Variants in MUL1 observed in about 807,000 individuals in gnomAD.
MUL1 encodes the protein mitochondrial ubiquitin ligase activator of NFKB 1.
In MUL1, 30 loss-of-function variants were observed where a neutral mutation model predicts 34.1. The observed-to-expected ratio is 0.88, with a 90% CI of 0.66 to 1.19. MUL1 has a LOEUF of 1.19. MUL1 is among the 50% of genes most tolerant of loss of function. The pLI, the probability that MUL1 is intolerant of heterozygous loss-of-function variation, is 0.00. For synonymous variants in MUL1, 191 were observed against 187.8 expected (o/e 1.02, Z -0.14); for missense variants, 419 against 450.5 (o/e 0.93, Z 0.63).
intron 1 of MUL1, 66 bp from the exon 2 acceptor site, chr1:20,503,375 G>A (rs906833356): frequency 7.4e-6 from 7 of 940,466 alleles, no homozygotes; most frequent in African/African-American, 6.8e-5. Context: ...CAAACTTACA[G>A]GCAAAAAAAA....
chr1:20,502,483 A>G (rs2051672006), intron 2 of MUL1, among the ~76,000 whole-genome samples: 1 of 152,120 alleles, frequency 6.6e-6, no homozygotes, highest in Admixed American at 6.5e-5. Flanking sequence ...CAGGAGTTTG[A>G]GGCTGCAGTG....
In MUL1 at chr1:20,508,082, G is replaced by C; in HGVS notation, c.-58C>G. The stretch of plus-strand genomic sequence containing the variant: ...GCCAAGGATAGGCCTGGTGACCCCC[G>C]ACTCTCCACCTCCTTCCGACCAGGA... On this transcript the variant is annotated 5_prime_UTR_variant, in exon 1 of 4. Transcript: ENST00000264198. 1 of 1,550,814 alleles carries C rather than the reference G, an allele frequency of 6.4e-7. No individual in the cohort carries two copies. The highest frequency in any genetic ancestry group is 8.7e-7 in the Non-Finnish European group (1 of 1,148,380).
intron 1 of MUL1, among the ~76,000 whole-genome samples, chr1:20,505,661 C>A: frequency 7.2e-5 from 10 of 138,422 alleles, no homozygotes; most frequent in African/African-American, 1.6e-4. Context: ...GGAAGGAAGG[C>A]CAAAGAGAAA....
At chr1:20,507,271 G>C (rs1401322842) in intron 1 of MUL1, among the ~76,000 whole-genome samples, 1 of 152,166 alleles carries the variant, frequency 6.6e-6, no homozygotes, top group African/African-American at 2.4e-5. Context: ...GTAAAGCACA[G>C]TTCAGAAAAA....
Position 20,499,523 on chromosome 1 carries a change from C to T in MUL1, c.*1167G>A, listed in dbSNP as rs1161805723. 6.6e-6 allele frequency: 1 copy of T among 152,254 alleles called. No homozygotes were observed. The highest frequency in any genetic ancestry group is 1.5e-5 in the Non-Finnish European group (1 of 68,070). The allele number at this position is 152,254 out of a possible 1,614,324, so 9.4% of individuals were successfully genotyped here. On this transcript the variant is annotated 3_prime_UTR_variant, in exon 4 of 4. Coordinates refer to ENST00000264198, the MANE Select transcript of MUL1 (RefSeq NM_024544.3). ...ACTAGTGTCGGCCCCTGAGGGCACC[C>T]CTTCCTCGCCTGCACAAAGGAGGAC...
At chr1:20,504,790 A>C (rs143138445) in intron 1 of MUL1, among the ~76,000 whole-genome samples, 65 of 152,370 alleles carry the variant, frequency 4.3e-4, no homozygotes, top group African/African-American at 1.5e-3. Context: ...ATGAATAAGT[A>C]AGCATTTAAA....
rs574991924 is a variant in MUL1 at position 20,506,836 on chromosome 1, C to T, written c.120+1069G>A. 2.4e-3 allele frequency among the ~76,000 whole-genome samples: 340 copies of T among 141,036 alleles called. 2 individuals carry two copies. The highest frequency in any genetic ancestry group is 8.5e-3 in the African/African-American group (315 of 37,030). The allele number at this position is 141,036 out of a possible 152,430, so 92.5% of individuals were successfully genotyped here. On this transcript the variant is annotated intron_variant, in intron 1 of 3. Transcript: ENST00000264198. ...TTGCACTCCAGCCTGGGCAACAGAGCGAGACTCCGTCTCAAAAAAAAAAAG... is the reference window on the plus strand; with the variant it reads ...TTGCACTCCAGCCTGGGCAACAGAGTGAGACTCCGTCTCAAAAAAAAAAAG...
In MUL1 at chr1:20,501,374, G is replaced by A; in HGVS notation, c.375C>T (p.Pro125=). The change falls in exon 4 of 4, where the codon CCC becomes CCT. Residue 125 remains proline, a synonymous_variant. Transcript: ENST00000264198. This position sits in a 1 kb window ranked among gnomAD's most constrained non-coding sequence, Gnocchi z 4.2. ...KIIHQRTNTV[P]FDLVPHEDGV... ...CATCCTCGTGGGGCACCAGGTCAAAGGGCACTGTGTTGGTCCTCTGATGAA... is the reference window on the plus strand; with the variant it reads ...CATCCTCGTGGGGCACCAGGTCAAAAGGCACTGTGTTGGTCCTCTGATGAA... 1 of 1,614,094 alleles carries A rather than the reference G, an allele frequency of 6.2e-7. No individual in the cohort carries two copies. The highest frequency in any genetic ancestry group is 8.5e-7 in the Non-Finnish European group (1 of 1,180,028).
chr1:20,505,317 G>C (rs113476027), intron 1 of MUL1, among the ~76,000 whole-genome samples: 1 of 152,076 alleles, frequency 6.6e-6, no homozygotes, highest in African/African-American at 2.4e-5. Flanking sequence ...AGGCATGGTA[G>C]CTCACACCTG....
rs2051654880 is a variant in MUL1, at chr1:20,501,127, C to G, written c.622G>C (p.Val208Leu). 1 of 1,614,008 alleles carries G rather than the reference C, an allele frequency of 6.2e-7. No individual in the cohort carries two copies. ...CCTTGTTTGGGCGGCTGCAGGCGGA[C>G]AGAGTTGTTGTCCAGGACCAGTTCG... ...VGELVLDNNS[V>L]RLQPPKQGMQ... is the part of the protein sequence containing the mutation. The change falls in exon 4 of 4, where the codon GTC becomes CTC. Residue 208 changes from valine (V) to leucine (L), a missense_variant. By Grantham distance (32) the Val-to-Leu change is conservative. Coordinates refer to ENST00000264198, the MANE Select transcript of MUL1 (RefSeq NM_024544.3). This position sits in a 1 kb window ranked among gnomAD's most constrained non-coding sequence, Gnocchi z 4.2.
At position 20,501,524 on chromosome 1, in the gene MUL1, TGGAAGAA is replaced by T; in HGVS notation, c.330-112_330-106del. 27 of 1,311,130 alleles carry T rather than the reference TGGAAGAA, an allele frequency of 2.1e-5. No homozygotes were observed. The highest frequency in any genetic ancestry group is 2.8e-5 in the Non-Finnish European group (27 of 961,256). 81.2% of individuals were successfully genotyped at this position (1,311,130 alleles called of 1,614,324 possible). On this transcript the variant is annotated intron_variant, in intron 3 of 3. Transcript: ENST00000264198. This position sits in a 1 kb window ranked among gnomAD's most constrained non-coding sequence, Gnocchi z 4.2. ...AGGACAGCATATGGTCTGAAGTAACTGGAAGAAGACAGTAAGATCACTATCTCCAGTT... is the reference window on the plus strand; with the variant it reads ...AGGACAGCATATGGTCTGAAGTAACTGACAGTAAGATCACTATCTCCAGTT...
chr1:20,507,576 G>C (rs994413374), intron 1 of MUL1, among the ~76,000 whole-genome samples: 1 of 152,206 alleles, frequency 6.6e-6, no homozygotes, highest in Non-Finnish European at 1.5e-5. Context: ...TACTAAAATG[G>C]TATCTCCACG....
chr1:20,505,258 C>G (rs1432080837), intron 1 of MUL1, among the ~76,000 whole-genome samples: 1 of 152,104 alleles, frequency 6.6e-6, no homozygotes, highest in African/African-American at 2.4e-5. Flanking sequence ...AGGACACAAG[C>G]CCCTCTCTGG....
In MUL1 at chr1:20,502,116, C is replaced by G. The variant is rs1273109341; in HGVS notation, c.282G>C (p.Leu94=). ...ACACCATCTTGTGCTCCTGAAGTGT[C>G]AGCCGCTGAATTACCCCCTTGCAGT... ...VENCKGVIQR[L]TLQEHKMVWN... The change falls in exon 3 of 4, where the codon CTG becomes CTC. Residue 94 remains leucine, a synonymous_variant. Coordinates refer to ENST00000264198, the MANE Select transcript of MUL1 (RefSeq NM_024544.3). 1 of 1,614,140 alleles carries G rather than the reference C, an allele frequency of 6.2e-7. No homozygotes were observed. Among genetic ancestry groups the G allele is most frequent in the Non-Finnish European group, 8.5e-7 (1 of 1,180,042 alleles).
Position 20,508,049 on chromosome 1 carries a change from AC to A in MUL1, c.-26del, listed in dbSNP as rs1426773788. On this transcript the variant is annotated 5_prime_UTR_variant, in exon 1 of 4. Transcript: ENST00000264198. ...TGACGGCGGCGAGCCCCGGTGGCCGACTGTGGCGCCAAGGATAGGCCTGGTG... is the reference window on the plus strand; with the variant it reads ...TGACGGCGGCGAGCCCCGGTGGCCGATGTGGCGCCAAGGATAGGCCTGGTG... The A allele has an allele frequency of 6.4e-7, 1 of 1,573,652 alleles. No homozygotes were observed. Among genetic ancestry groups the A allele is most frequent in the African/African-American group, 1.3e-5 (1 of 74,564 alleles).
At position 20,503,315 on chromosome 1, in the gene MUL1, T is replaced by TAA; in HGVS notation, c.121-8_121-7dup. ...AAATGAACTTTTTTAGCTCCCTAAATAAAAAAAAAAAATTAAATTAATTGG... is the reference window on the plus strand; with the variant it reads ...AAATGAACTTTTTTAGCTCCCTAAATAAAAAAAAAAAAAATTAAATTAATTGG... On this transcript the variant is annotated splice_region_variant and splice_polypyrimidine_tract_variant and intron_variant, in intron 1 of 3. Coordinates refer to ENST00000264198, the MANE Select transcript of MUL1 (RefSeq NM_024544.3). 148 of 1,294,426 alleles carry TAA rather than the reference T, an allele frequency of 1.1e-4. No homozygotes were observed. Among genetic ancestry groups the TAA allele is most frequent in the Middle Eastern group, 2.3e-4 (1 of 4,410 alleles). The allele number at this position is 1,294,426 out of a possible 1,614,324, so 80.2% of individuals were successfully genotyped here.
intron 1 of MUL1, among the ~76,000 whole-genome samples, chr1:20,503,569 C>A (rs945544099): frequency 1.3e-5 from 2 of 152,124 alleles, no homozygotes; most frequent in Non-Finnish European, 2.9e-5. Context: ...ACCTATACTC[C>A]TTTTCATGTT....
At chr1:20,507,829 C>T in intron 1 of MUL1, 76 bp downstream of exon 1, 1 of 1,527,674 alleles carries the variant, frequency 6.5e-7, no homozygotes, top group Non-Finnish European at 8.8e-7. Flanking sequence ...GGTGGGGCGG[C>T]CAAGGTGAAT....
rs2051642826 is a variant in MUL1, at chr1:20,500,480, C to T, written c.*210G>A. 1.8e-6 allele frequency: 1 copy of T among 569,260 alleles called. No homozygotes were observed. The highest frequency in any genetic ancestry group is 3.4e-5 in the Admixed American group (1 of 29,538). 35.3% of individuals were successfully genotyped at this position (569,260 alleles called of 1,614,324 possible). ...CTCCCAGGGTGAGGCTCTGATGAGGCTGCACATGGACAGGGTCCCCTCTCA... is the reference window on the plus strand; with the variant it reads ...CTCCCAGGGTGAGGCTCTGATGAGGTTGCACATGGACAGGGTCCCCTCTCA... On this transcript the variant is annotated 3_prime_UTR_variant, in exon 4 of 4. Transcript: ENST00000264198.
Sources: allele counts gnomAD v4.1 joint callset (sites outside exome capture counted in the v4.1 genomes callset), GRCh38; gene constraint gnomAD v4.1.1; non-coding constraint Gnocchi (gnomAD v3.1); transcripts MANE v1.5; gene names NCBI Gene and HGNC (gene_info 2026-07-23, HGNC 2026-07-21).